The following CACNA1C variants were observed in gnomAD, a reference collection of about 807,000 sequenced individuals.
CACNA1C encodes calcium voltage-gated channel subunit alpha1 C, also known as voltage-dependent L-type calcium channel subunit alpha-1C.
Under a neutral mutation model 229.0 loss-of-function variants are expected in CACNA1C, and 30 were observed. The ratio of observed to expected loss-of-function variants is 0.13; its 90% CI spans 0.10 to 0.18. CACNA1C has a LOEUF of 0.18. Ranked by LOEUF, CACNA1C falls within the 10% of genes least tolerant of loss-of-function variation. CACNA1C has a pLI of 1.00. For missense variants in CACNA1C, 1,658 were observed against 2,845.0 expected (o/e 0.58, Z 9.49); for synonymous variants, 1,114 against 1,132.5 (o/e 0.98, Z 0.33).
At chr12:2,528,861 G>A (rs143122435) in intron 9 of CACNA1C, among the ~76,000 whole-genome samples, 2 of 152,142 alleles carry the variant, frequency 1.3e-5, no homozygotes, top group East Asian at 1.9e-4. Context: ...AAATGGCATC[G>A]TTAGCGTGAT....
chr12:1,971,569 A>G lies in CACNA1C; in HGVS notation c.139+368A>G, dbSNP rs2032285001. ...TTAGGTCCACAAAGACAAGGCAGAG[A>G]GCAAGCTGATTATATTCAGTAGTGG... is the stretch of plus-strand genomic sequence containing the variant. On this transcript the variant is annotated intron_variant, in intron 1 of 46. Transcript: ENST00000682462. This position sits in a 1 kb window ranked among gnomAD's most constrained non-coding sequence, Gnocchi z 4.2. 6.6e-6 allele frequency among the ~76,000 whole-genome samples: 1 copy of G among 152,208 alleles called. No individual in the cohort carries two copies. The highest frequency in any genetic ancestry group is 1.5e-5 in the Non-Finnish European group (1 of 68,028).
chr12:2,308,649 G>C (rs2095241405), intron 3 of CACNA1C, among the ~76,000 whole-genome samples: 8 of 152,158 alleles, frequency 5.3e-5, no homozygotes, highest in Admixed American at 5.2e-4. Flanking sequence ...TTTCTCAAGA[G>C]TGCTTTGGCT....
At chr12:2,146,029 C>T (rs1194176789) in intron 3 of CACNA1C, among the ~76,000 whole-genome samples, 1 of 151,100 alleles carries the variant, frequency 6.6e-6, no homozygotes, top group Non-Finnish European at 1.5e-5. Flanking sequence ...TTTAAAAGCT[C>T]TTTGTAAATT....
intron 3 of CACNA1C, among the ~76,000 whole-genome samples, chr12:2,171,418 A>G (rs1566120864): frequency 6.6e-6 from 1 of 152,046 alleles, no homozygotes; most frequent in African/African-American, 2.4e-5. Flanking sequence ...ACGTGCGAGG[A>G]GGGATGAGCA....
chr12:2,103,424 G>C (rs1372499242), intron 1 of CACNA1C, among the ~76,000 whole-genome samples: 2 of 151,942 alleles, frequency 1.3e-5, no homozygotes, highest in African/African-American at 4.8e-5. Context: ...TTTTTGATGG[G>C]ATTTTTTTTT....
chr12:1,999,903 C>T (rs1042075738), intron 1 of CACNA1C, among the ~76,000 whole-genome samples: 1 of 152,092 alleles, frequency 6.6e-6, no homozygotes, highest in Admixed American at 6.5e-5. Flanking sequence ...TCGTTTGCCC[C>T]TGTACTTTGA....
chr12:2,321,271 G>A (rs2095982894), intron 3 of CACNA1C, among the ~76,000 whole-genome samples: 1 of 152,092 alleles, frequency 6.6e-6, no homozygotes, highest in South Asian at 2.1e-4. Context: ...CTCCTCCTTT[G>A]TTCCTGGGTG....
chr12:2,645,300 A>G (rs1226971226), intron 30 of CACNA1C, among the ~76,000 whole-genome samples: 3 of 152,218 alleles, frequency 2.0e-5, no homozygotes, highest in Non-Finnish European at 4.4e-5. Flanking sequence ...GAAAGACCAC[A>G]GATGGGAGAA....
At chr12:2,304,087 G>C (rs904684090) in intron 3 of CACNA1C, among the ~76,000 whole-genome samples, 1 of 152,180 alleles carries the variant, frequency 6.6e-6, no homozygotes, top group Non-Finnish European at 1.5e-5. Context: ...AGATACTTGG[G>C]CTCCCTTGCC....
intron 3 of CACNA1C, among the ~76,000 whole-genome samples, chr12:2,171,172 G>T (rs2096461663): frequency 6.6e-6 from 1 of 152,208 alleles, no homozygotes; most frequent in African/African-American, 2.4e-5. Context: ...GAAGGGCAGG[G>T]GCAGCCTGAC....
intron 1 of CACNA1C, among the ~76,000 whole-genome samples, chr12:2,071,439 T>G (rs923419205): frequency 2.0e-5 from 3 of 151,840 alleles, no homozygotes; most frequent in Non-Finnish European, 4.4e-5. Flanking sequence ...CCGAGGCTGA[T>G]CTTGAACTCC....
chr12:2,113,666 A>T (rs73048398), intron 1 of CACNA1C, among the ~76,000 whole-genome samples: 2 of 152,142 alleles, frequency 1.3e-5, no homozygotes, highest in African/African-American at 4.8e-5. Flanking sequence ...GCACCCTCTT[A>T]TCTGCGGCTT....
At chr12:2,435,597 C>A (rs563173445) in intron 3 of CACNA1C, among the ~76,000 whole-genome samples, 2 of 152,198 alleles carry the variant, frequency 1.3e-5, no homozygotes, top group African/African-American at 2.4e-5. Context: ...TGGAGTTGCA[C>A]CCCGAGTGCT....
intron 11 of CACNA1C, among the ~76,000 whole-genome samples, chr12:2,559,746 G>A (rs1397706628): frequency 6.6e-6 from 1 of 152,188 alleles, no homozygotes; most frequent in Non-Finnish European, 1.5e-5. Flanking sequence ...TCCTTGTGAT[G>A]AGGTTCTGCC....
At chr12:2,176,379 G>A (rs2096644794) in intron 3 of CACNA1C, among the ~76,000 whole-genome samples, 1 of 152,144 alleles carries the variant, frequency 6.6e-6, no homozygotes, top group African/African-American at 2.4e-5. Context: ...TTTTCCCCTG[G>A]ATGAGATGGG....
At position 2,181,979 on chromosome 12, in the gene CACNA1C, G is replaced by A. The variant is rs1409662529; in HGVS notation, c.477+61549G>A. 6.6e-6 allele frequency among the ~76,000 whole-genome samples: 1 copy of A among 151,922 alleles called. No individual in the cohort carries two copies. The highest frequency in any genetic ancestry group is 6.6e-5 in the Admixed American group (1 of 15,266). On this transcript the variant is annotated intron_variant, in intron 3 of 46. Transcript: ENST00000399655. This position sits in a 1 kb window ranked among gnomAD's most constrained non-coding sequence, Gnocchi z 4.0. ...GTGGGTGGAGGGTATGGGTTCAATA[G>A]GGAGCTCTTCAGAAATGGAACATGT...
At chr12:2,416,085 G>C (rs761871265) in intron 3 of CACNA1C, among the ~76,000 whole-genome samples, 6 of 152,132 alleles carry the variant, frequency 3.9e-5, no homozygotes, top group Non-Finnish European at 5.9e-5. Context: ...CTTGTCCTGC[G>C]GGTCCCAGCT....
At chr12:2,556,790 A>C (rs2044543359) in intron 10 of CACNA1C, among the ~76,000 whole-genome samples, 161 bp from the exon 11 acceptor site, 1 of 152,204 alleles carries the variant, frequency 6.6e-6, no homozygotes, top group African/African-American at 2.4e-5. Flanking sequence ...ATACATAAAT[A>C]GGGTTCTTTC....
intron 1 of CACNA1C, among the ~76,000 whole-genome samples, chr12:2,045,780 G>C (rs1382051469): frequency 3.3e-5 from 5 of 152,046 alleles, no homozygotes; most frequent in African/African-American, 1.2e-4. Flanking sequence ...CAGCCGCTCA[G>C]AATGTAAGTC....
Sources: allele counts gnomAD v4.1 joint callset (sites outside exome capture counted in the v4.1 genomes callset), GRCh38; gene constraint gnomAD v4.1.1; non-coding constraint Gnocchi (gnomAD v3.1); transcripts MANE v1.5; gene names NCBI Gene and HGNC (gene_info 2026-07-23, HGNC 2026-07-21).